Variants in RAB40B observed in about 807,000 individuals in gnomAD.
The protein encoded by RAB40B is ras-related protein Rab-40B.
In RAB40B, 21 loss-of-function variants were observed where a neutral mutation model predicts 24.0. That is an observed-to-expected ratio of 0.88 (90% CI 0.62 to 1.26). The LOEUF (loss-of-function observed/expected upper bound fraction) is 1.26, where lower values mean the gene tolerates loss of function less well. Among genes scored for constraint, RAB40B ranks in the 50% most tolerant of loss-of-function variants. RAB40B has a pLI of 0.00. For missense variants in RAB40B, 348 were observed against 390.5 expected, an observed-to-expected ratio of 0.89 and a Z score of 0.92; for synonymous variants, 167 against 169.8, an observed-to-expected ratio of 0.98 and a Z score of 0.13.
Position 82,657,757 on chromosome 17 carries a change from A to G in RAB40B, c.*106T>C, listed in dbSNP as rs999995741. 1.5e-6 allele frequency: 2 copies of G among 1,338,432 alleles called. No homozygotes were observed. The highest frequency in any genetic ancestry group is 1.1e-6 in the Non-Finnish European group (1 of 930,242). The allele number at this position is 1,338,432 out of a possible 1,614,324, so 82.9% of individuals were successfully genotyped here. ...GAAGGCGTCGCACACATTCGCAAGC[A>G]GCATTCGCCGAGAGGAACCGGGATC... On this transcript the variant is annotated 3_prime_UTR_variant, in exon 6 of 6. Transcript: ENST00000571995.
At chr17:82,677,434 G>A (rs1370756157) in intron 1 of RAB40B, among the ~76,000 whole-genome samples, 1 of 152,178 alleles carries the variant, frequency 6.6e-6, no homozygotes, top group African/African-American at 2.4e-5. Context: ...AGCATTACAA[G>A]CCGGGCTGCT....
chr17:82,658,849 G>A (rs1294346932), intron 4 of RAB40B, 136 bp from the exon 5 acceptor site: 2 of 740,164 alleles, frequency 2.7e-6, no homozygotes, highest in Non-Finnish European at 4.4e-6. Context: ...GACCTCGTTT[G>A]GAAAGACCGT....
intron 1 of RAB40B, among the ~76,000 whole-genome samples, chr17:82,693,752 T>A (rs1290830004): frequency 6.7e-6 from 1 of 149,796 alleles, no homozygotes; most frequent in Non-Finnish European, 1.5e-5. Flanking sequence ...CATGGGAGAG[T>A]CTCTTTCACA....
intron 1 of RAB40B, among the ~76,000 whole-genome samples, chr17:82,682,451 T>C (rs2046456919): frequency 1.3e-5 from 2 of 152,198 alleles, no homozygotes; most frequent in Admixed American, 6.5e-5. Context: ...ATGTTCATGA[T>C]TGACAGAATC....
chr17:82,661,345 G>C, intron 2 of RAB40B: 5 of 1,067,208 alleles, frequency 4.7e-6, no homozygotes, highest in Non-Finnish European at 5.8e-6. Context: ...TAAAAAACTT[G>C]TTGAATCTGA....
At chr17:82,669,293 T>C (rs2046303185) in intron 1 of RAB40B, among the ~76,000 whole-genome samples, 2 of 152,036 alleles carry the variant, frequency 1.3e-5, no homozygotes, top group South Asian at 2.1e-4. Flanking sequence ...CTGACCAACA[T>C]GGAGAAACCT....
In RAB40B at chr17:82,698,675, C is replaced by A. The variant is rs2046639662; in HGVS notation, c.-79G>T. 9.1e-7 allele frequency: 1 copy of A among 1,095,040 alleles called. No individual in the cohort carries two copies. The highest frequency in any genetic ancestry group is 1.1e-6 in the Non-Finnish European group (1 of 884,398). 67.8% of individuals were successfully genotyped at this position (1,095,040 alleles called of 1,614,324 possible). ...GCGGCGGCCCGGCCCCGAGAGGCGC[C>A]GCGCGGGCCCCGAGTCCTTGCTCGC... On this transcript the variant is annotated 5_prime_UTR_variant, in exon 1 of 6. Coordinates refer to ENST00000571995, the MANE Select transcript of RAB40B (RefSeq NM_006822.3).
chr17:82,682,384 C>A (rs771364168), intron 1 of RAB40B, among the ~76,000 whole-genome samples: 4 of 152,020 alleles, frequency 2.6e-5, no homozygotes, highest in Non-Finnish European at 5.9e-5. Context: ...ATATTAAAAG[C>A]TACAAACCAC....
At chr17:82,685,453 G>A (rs967521932) in intron 1 of RAB40B, among the ~76,000 whole-genome samples, 13 of 152,088 alleles carry the variant, frequency 8.5e-5, no homozygotes, top group African/African-American at 1.7e-4. Flanking sequence ...AAGCATGGAC[G>A]ACCGGCAGAA....
rs1270632425 is a variant in RAB40B, at chr17:82,698,661, G to A, written c.-65C>T. 7.8e-6 allele frequency: 9 copies of A among 1,151,212 alleles called. No homozygotes were observed. The highest frequency in any genetic ancestry group is 4.9e-5 in the Admixed American group (1 of 20,478). 71.3% of individuals were successfully genotyped at this position (1,151,212 alleles called of 1,614,324 possible). On this transcript the variant is annotated 5_prime_UTR_variant, in exon 1 of 6. Coordinates refer to ENST00000571995, the MANE Select transcript of RAB40B (RefSeq NM_006822.3). ...GGCTGAGCGCAGAGGCGGCGGCCCGGCCCCGAGAGGCGCCGCGCGGGCCCC... is the reference window on the plus strand; with the variant it reads ...GGCTGAGCGCAGAGGCGGCGGCCCGACCCCGAGAGGCGCCGCGCGGGCCCC...
At chr17:82,660,231 C>T (rs1184548251) in intron 3 of RAB40B, among the ~76,000 whole-genome samples, 5 of 151,904 alleles carry the variant, frequency 3.3e-5, no homozygotes, top group Admixed American at 2.0e-4. Flanking sequence ...ACAGTGCACA[C>T]ACGCAGTTCA....
At chr17:82,686,408 G>A (rs1001844093) in intron 1 of RAB40B, among the ~76,000 whole-genome samples, 11 of 152,312 alleles carry the variant, frequency 7.2e-5, no homozygotes, top group African/African-American at 1.9e-4. Flanking sequence ...CACCGCGCCC[G>A]GCCAAGGGTC....
intron 1 of RAB40B, among the ~76,000 whole-genome samples, chr17:82,672,878 T>C (rs1234846794): frequency 6.6e-6 from 1 of 152,368 alleles, no homozygotes; most frequent in African/African-American, 2.4e-5. Context: ...TTTTCCTTCA[T>C]GTACGAATTT....
At chr17:82,686,775 A>G (rs1228781644) in intron 1 of RAB40B, among the ~76,000 whole-genome samples, 4 of 152,174 alleles carry the variant, frequency 2.6e-5, no homozygotes, top group Non-Finnish European at 5.9e-5. Flanking sequence ...GCTCTTTTCC[A>G]TTAGTCACAG....
At chr17:82,688,079 CTT>C (rs930875248) in intron 1 of RAB40B, among the ~76,000 whole-genome samples, 1 of 152,024 alleles carries the variant, frequency 6.6e-6, no homozygotes, top group Non-Finnish European at 1.5e-5. Context: ...TCAAAAAAGA[CTT>C]TACATCCCTG....
chr17:82,667,000 G>A (rs992828868), intron 1 of RAB40B, among the ~76,000 whole-genome samples: 8 of 152,218 alleles, frequency 5.3e-5, no homozygotes, highest in African/African-American at 1.9e-4. Context: ...AGGCCGAGGG[G>A]AGAAGCAGCG....
intron 1 of RAB40B, among the ~76,000 whole-genome samples, chr17:82,693,953 C>T (rs1327270354): frequency 1.3e-5 from 2 of 151,264 alleles, no homozygotes; most frequent in Non-Finnish European, 2.9e-5. Flanking sequence ...CGTGGTGGCG[C>T]ACACCTGTAG....
At position 82,659,619 on chromosome 17, in the gene RAB40B, A is replaced by C; in HGVS notation, c.303T>G (p.Ser101=). The C allele has an allele frequency of 6.2e-7, 1 of 1,614,182 alleles. No homozygotes were observed. Among genetic ancestry groups the C allele is most frequent in the Non-Finnish European group, 8.5e-7 (1 of 1,180,040 alleles). The change falls in exon 4 of 6, where the codon TCT becomes TCG. Residue 101 remains serine, a synonymous_variant. Coordinates refer to ENST00000571995, the MANE Select transcript of RAB40B (RefSeq NM_006822.3). ...ILVYDIANRW[S]FDGIDRWIKE... is the part of the protein sequence containing the mutation. The stretch of plus-strand genomic sequence containing the variant: ...TAATCCATCGATCAATGCCGTCAAA[A>C]GACCAGCGGTTCGCAATGTCATAGA...
intron 1 of RAB40B, among the ~76,000 whole-genome samples, chr17:82,682,121 GCACACA>G (rs3078848): frequency 7.3e-5 from 11 of 149,998 alleles, no homozygotes; most frequent in African/African-American, 2.5e-4. Context: ...ACACACGCAT[GCACACA>G]CACACACACA....
Sources: allele counts gnomAD v4.1 joint callset (sites outside exome capture counted in the v4.1 genomes callset), GRCh38; gene constraint gnomAD v4.1.1; transcripts MANE v1.5; gene names NCBI Gene and HGNC (gene_info 2026-07-23, HGNC 2026-07-21).